The following LRP1B variants were observed in gnomAD, a reference collection of about 807,000 sequenced individuals.
LRP1B encodes LDL receptor related protein 1B.
A neutral mutation model predicts 556.6 loss-of-function variants in LRP1B; 217 were observed. The ratio of observed to expected loss-of-function variants is 0.39; its 90% CI spans 0.35 to 0.44. The LOEUF (loss-of-function observed/expected upper bound fraction) is 0.44, where lower values mean the gene tolerates loss of function less well. Among genes scored for constraint, LRP1B ranks in the 20% least tolerant of loss-of-function variants. The pLI is 1.00. For missense variants in LRP1B, 5,053 were observed against 5,620.8 expected, an observed-to-expected ratio of 0.90 and a Z score of 3.23; for synonymous variants, 2,047 against 1,865.8, an observed-to-expected ratio of 1.10 and a Z score of -2.50.
intron 59 of LRP1B, among the ~76,000 whole-genome samples, chr2:140,483,634 A>ATTT (rs1454082844): frequency 3.4e-5 from 2 of 59,658 alleles, no homozygotes; most frequent in African/African-American, 1.1e-4. Flanking sequence ...ATATATATAT[A>ATTT]TATATATTTT....
intron 1 of LRP1B, among the ~76,000 whole-genome samples, chr2:142,121,131 A>G (rs1707444721): frequency 6.6e-6 from 1 of 152,192 alleles, no homozygotes; most frequent in Non-Finnish European, 1.5e-5. Context: ...ATCTTTCTAA[A>G]CTAAAAATGC....
At position 140,640,841 on chromosome 2, in the gene LRP1B, CA is replaced by C. The variant is rs372387384; in HGVS notation, c.6800-39203del. On this transcript the variant is annotated intron_variant, in intron 41 of 90. Coordinates refer to ENST00000389484, the MANE Select transcript of LRP1B (RefSeq NM_018557.3). ...CCCATAAGAGAGCCTGACACAGGCT[CA>C]GTAAGTATTTGTTGAATGAATAAAC... Among the ~76,000 whole-genome samples, 134 of 147,928 alleles carry C rather than the reference CA, an allele frequency of 9.1e-4. 2 individuals are homozygous for C. In the South Asian group the frequency reaches 0.016, roughly 18 times the overall value.
At chr2:142,027,540 T>C (rs1029508801) in intron 1 of LRP1B, among the ~76,000 whole-genome samples, 4 of 151,792 alleles carry the variant, frequency 2.6e-5, no homozygotes, top group Admixed American at 2.0e-4. Context: ...CAGGCTAACA[T>C]TAGCTGAATT....
chr2:140,399,008 ATTCAG>A (rs1205233765), intron 66 of LRP1B, among the ~76,000 whole-genome samples: 5 of 152,262 alleles, frequency 3.3e-5, no homozygotes, highest in Admixed American at 3.3e-4. Context: ...TGCATAATAA[ATTCAG>A]TTGAGAATAA....
chr2:141,222,006 C>T (rs1301575412), intron 6 of LRP1B, among the ~76,000 whole-genome samples: 1 of 152,080 alleles, frequency 6.6e-6, no homozygotes, highest in Admixed American at 6.6e-5. Context: ...CCTAACATCA[C>T]AATTAGAAGA....
At chr2:141,365,042 TG>T (rs1458565333) in intron 3 of LRP1B, among the ~76,000 whole-genome samples, 1 of 152,218 alleles carries the variant, frequency 6.6e-6, no homozygotes, top group Non-Finnish European at 1.5e-5. Flanking sequence ...CAGCTTATGA[TG>T]AATCTTTTAG....
intron 1 of LRP1B, among the ~76,000 whole-genome samples, chr2:141,895,009 T>C (rs1180867919): frequency 5.5e-5 from 8 of 146,120 alleles, no homozygotes; most frequent in Admixed American, 4.1e-4. Context: ...GTTCGTGCCA[T>C]TGCACTCCAG....
At chr2:141,530,931 A>G (rs1200156748) in intron 2 of LRP1B, among the ~76,000 whole-genome samples, 1 of 151,830 alleles carries the variant, frequency 6.6e-6, no homozygotes, top group Non-Finnish European at 1.5e-5. Context: ...ATCAGGTAGT[A>G]CCTTACAGGT....
intron 7 of LRP1B, among the ~76,000 whole-genome samples, chr2:141,181,671 C>T (rs1681001715): frequency 6.6e-6 from 1 of 151,842 alleles, no homozygotes; most frequent in Non-Finnish European, 1.5e-5. Context: ...ATTTGCCTTC[C>T]ATTTCCACTA....
chr2:141,750,941 C>A (rs915667411), intron 2 of LRP1B, among the ~76,000 whole-genome samples: 2 of 151,980 alleles, frequency 1.3e-5, no homozygotes, highest in Non-Finnish European at 2.9e-5. Context: ...AAAACCTTTA[C>A]AGTATGTATC....
Position 141,329,928 on chromosome 2 carries a change from CA to C in LRP1B, c.344-75288del, listed in dbSNP as rs1687578551. On this transcript the variant is annotated intron_variant, in intron 3 of 90. Coordinates refer to ENST00000389484, the MANE Select transcript of LRP1B (RefSeq NM_018557.3). ...AATTTGTGTCTACCTACTCTACGCT[CA>C]ACGCATTTGATTCCTCTCATGGTAT... 8.5e-5 allele frequency among the ~76,000 whole-genome samples: 13 copies of C among 152,064 alleles called. No individual in the cohort carries two copies. In the South Asian group the frequency reaches 2.7e-3, roughly 32 times the overall value.
intron 7 of LRP1B, among the ~76,000 whole-genome samples, chr2:141,068,004 A>G (rs1390964029): frequency 6.6e-6 from 1 of 152,014 alleles, no homozygotes; most frequent in Non-Finnish European, 1.5e-5. Context: ...AGGTCTGTGA[A>G]TACAGGAGAT....
intron 2 of LRP1B, among the ~76,000 whole-genome samples, chr2:141,578,557 T>C (rs778150074): frequency 1.3e-5 from 2 of 152,126 alleles, no homozygotes; most frequent in Non-Finnish European, 2.9e-5. Context: ...GTCATTGGTA[T>C]TTAGTAGTGA....
At chr2:140,666,801 G>T (rs1484360736) in intron 41 of LRP1B, among the ~76,000 whole-genome samples, 5 of 152,142 alleles carry the variant, frequency 3.3e-5, no homozygotes, top group Admixed American at 1.3e-4. Flanking sequence ...AAGAAAGTTG[G>T]TTTTGAGATG....
intron 59 of LRP1B, among the ~76,000 whole-genome samples, chr2:140,478,563 A>T (rs1688076988): frequency 6.6e-6 from 1 of 152,146 alleles, no homozygotes; most frequent in African/African-American, 2.4e-5. Context: ...TATGATGGGG[A>T]AACTTGGAAC....
intron 1 of LRP1B, among the ~76,000 whole-genome samples, chr2:142,028,531 T>G (rs1337080648): frequency 6.6e-6 from 1 of 152,012 alleles, no homozygotes; most frequent in Non-Finnish European, 1.5e-5. Flanking sequence ...TGAGTAATAT[T>G]CCAAACTATG....
intron 3 of LRP1B, among the ~76,000 whole-genome samples, chr2:141,359,497 T>G (rs1323528085): frequency 2.0e-5 from 3 of 152,088 alleles, no homozygotes; most frequent in African/African-American, 4.8e-5. Context: ...GTGGCTCACA[T>G]CTGTAATCCC....
intron 3 of LRP1B, among the ~76,000 whole-genome samples, chr2:141,307,983 C>T (rs1686663074): frequency 6.6e-6 from 1 of 152,062 alleles, no homozygotes; most frequent in Non-Finnish European, 1.5e-5. Context: ...GTAAGCCAGT[C>T]TTCAGGCCTG....
At chr2:140,593,905 A>G (rs1265330998) in intron 43 of LRP1B, among the ~76,000 whole-genome samples, 1 of 152,182 alleles carries the variant, frequency 6.6e-6, no homozygotes, top group Admixed American at 6.5e-5. Context: ...GATAAATATG[A>G]GTTGTAAGTG....
Sources: gnomAD v4.1 joint callset for allele counts (sites outside exome capture counted in the v4.1 genomes callset) on GRCh38, gnomAD v4.1.1 for gene constraint, MANE v1.5 for transcripts, NCBI Gene and HGNC (gene_info 2026-07-23, HGNC 2026-07-21) for gene names.